ADGRL2: variants seen among roughly 807,000 people sequenced by gnomAD.
ADGRL2 encodes calcium-independent alpha-latrotoxin receptor 2.
ADGRL2 carries 44 observed loss-of-function variants against 157.4 expected under a neutral mutation model. That is an observed-to-expected ratio of 0.28 (90% confidence interval 0.22 to 0.36). ADGRL2 has a LOEUF of 0.36. ADGRL2 is among the 10% of genes least tolerant of loss of function. The pLI is 1.00. For missense variants in ADGRL2, 1,510 were observed against 1,768.9 expected, an observed-to-expected ratio of 0.85 and a Z score of 2.63; for synonymous variants, 585 against 624.7, an observed-to-expected ratio of 0.94 and a Z score of 0.95.
rs1477358823 is a variant in ADGRL2 at position 81,943,535 on chromosome 1, T to C, written c.976T>C (p.Tyr326His). ...TGCTTTTATGATATGCGGAGTCCTC[T>C]ATGTGGTTAGGTCAGTTTATCAAGA... Reference protein sequence around the residue: ...SNAFMICGVLYVVRSVYQDNE... With the variant: ...SNAFMICGVLHVVRSVYQDNE... Residue 326 changes from tyrosine (Y) to histidine (H), a missense_variant, in exon 6 of 24, where the codon TAT (tyrosine) becomes CAT (histidine). Coordinates refer to ENST00000686636, the MANE Select transcript of ADGRL2 (RefSeq NM_001366006.2). This position sits in a 1 kb window ranked among gnomAD's most constrained non-coding sequence, Gnocchi z 5.6. The C allele has an allele frequency of 6.2e-7, 1 of 1,613,726 alleles. No homozygotes were observed. The highest frequency in any genetic ancestry group is 1.7e-5 in the Admixed American group (1 of 59,948).
chr1:81,988,596 A>G (rs1027982562), intron 23 of ADGRL2, among the ~76,000 whole-genome samples: 4 of 152,324 alleles, frequency 2.6e-5, no homozygotes, highest in Non-Finnish European at 4.4e-5. Context: ...CACATGGAAC[A>G]TGATACAAAT....
At chr1:81,472,385 C>T (rs192745897) in intron 2 of ADGRL2, among the ~76,000 whole-genome samples, 4 of 152,180 alleles carry the variant, frequency 2.6e-5, no homozygotes, top group African/African-American at 4.8e-5. Context: ...TAGCACTTTG[C>T]GAGGCCGAGG....
intron 2 of ADGRL2, among the ~76,000 whole-genome samples, chr1:81,552,614 A>G (rs544987399): frequency 6.6e-6 from 1 of 151,374 alleles, no homozygotes; most frequent in African/African-American, 2.4e-5. Flanking sequence ...AGAAAAAAAA[A>G]AAAAAAAAAA....
chr1:81,784,707 G>A (rs75695875), intron 2 of ADGRL2, among the ~76,000 whole-genome samples: 19,210 of 135,468 alleles, frequency 0.14, 1,855 homozygotes, highest in East Asian at 0.54. Flanking sequence ...CAGCCTGGGC[G>A]ACAGAGTGAG....
intron 1 of ADGRL2, among the ~76,000 whole-genome samples, chr1:81,434,919 A>G (rs2077383235): frequency 6.6e-6 from 1 of 152,200 alleles, no homozygotes; most frequent in Non-Finnish European, 1.5e-5. Flanking sequence ...ATCAGGCAAC[A>G]AGGCACACTG....
intron 2 of ADGRL2, among the ~76,000 whole-genome samples, chr1:81,575,556 A>T (rs190656173): frequency 1.3e-5 from 2 of 152,254 alleles, no homozygotes; most frequent in African/African-American, 4.8e-5. Context: ...TTTTAGTTAA[A>T]GTTGAATTTA....
At chr1:81,720,179 C>A (rs1043880858) in intron 1 of ADGRL2, among the ~76,000 whole-genome samples, 1 of 138,902 alleles carries the variant, frequency 7.2e-6, no homozygotes, top group African/African-American at 2.6e-5. Context: ...TCCTTTTTTT[C>A]TTTTCTTTTT....
At chr1:81,348,089 G>T (rs994587545) in intron 1 of ADGRL2, among the ~76,000 whole-genome samples, 2 of 152,152 alleles carry the variant, frequency 1.3e-5, no homozygotes, top group Non-Finnish European at 2.9e-5. Context: ...AGTGAGTAGG[G>T]CCACCCCACA....
chr1:81,936,286 G>T (rs993820113), intron 3 of ADGRL2, among the ~76,000 whole-genome samples: 1 of 151,848 alleles, frequency 6.6e-6, no homozygotes, highest in African/African-American at 2.4e-5. Flanking sequence ...TTCCTGCTGA[G>T]AAATTCAGGT....
intron 1 of ADGRL2, among the ~76,000 whole-genome samples, chr1:81,383,748 A>C (rs2076383609): frequency 6.8e-6 from 1 of 146,818 alleles, no homozygotes; most frequent in Non-Finnish European, 1.5e-5. Flanking sequence ...GCAGATCACA[A>C]GGTCAGGAGA....
At chr1:81,472,747 A>G (rs570177514) in intron 2 of ADGRL2, among the ~76,000 whole-genome samples, 51 of 152,350 alleles carry the variant, frequency 3.3e-4, no homozygotes, top group African/African-American at 1.2e-3. Context: ...ACCCTTCCCT[A>G]AATGAAATGG....
chr1:81,891,589 C>A (rs925822118), intron 2 of ADGRL2, among the ~76,000 whole-genome samples: 1 of 151,978 alleles, frequency 6.6e-6, no homozygotes, highest in African/African-American at 2.4e-5. Context: ...ATGTTTATTT[C>A]CTACTTAAAT....
chr1:81,348,749 A>G (rs1439553298), intron 1 of ADGRL2, among the ~76,000 whole-genome samples: 1 of 152,218 alleles, frequency 6.6e-6, no homozygotes, highest in Admixed American at 6.5e-5. Context: ...AGGATGATAT[A>G]AAATATGAGA....
chr1:81,872,036 G>A (rs6685888), intron 2 of ADGRL2, among the ~76,000 whole-genome samples: 1,935 of 152,222 alleles, frequency 0.013, 47 homozygotes, highest in African/African-American at 0.044. Flanking sequence ...TAATGCCTAG[G>A]TTTTCTTCTA....
intron 1 of ADGRL2, among the ~76,000 whole-genome samples, chr1:81,379,686 T>C (rs1202618985): frequency 6.6e-6 from 1 of 152,120 alleles, no homozygotes; most frequent in South Asian, 2.1e-4. Context: ...CGTGTGCTCT[T>C]GTCAGTGTGC....
intron 1 of ADGRL2, among the ~76,000 whole-genome samples, chr1:81,410,796 G>A (rs2076933129): frequency 6.6e-6 from 1 of 152,148 alleles, no homozygotes; most frequent in Admixed American, 6.5e-5. Context: ...ATAATTCCAG[G>A]AAAAGAGAAA....
At chr1:81,788,001 TG>T (rs774897833) in intron 2 of ADGRL2, among the ~76,000 whole-genome samples, 58 of 152,182 alleles carry the variant, frequency 3.8e-4, no homozygotes, top group South Asian at 1.7e-3. Context: ...AGAAAAATAA[TG>T]GGTGAAAGAT....
At chr1:81,452,832 G>T (rs2077727133) in intron 2 of ADGRL2, among the ~76,000 whole-genome samples, 1 of 152,124 alleles carries the variant, frequency 6.6e-6, no homozygotes, top group Non-Finnish European at 1.5e-5. Context: ...CCATTGAGAA[G>T]GAGCATGAGA....
At chr1:81,906,552 T>A (rs986413788) in intron 2 of ADGRL2, among the ~76,000 whole-genome samples, 2 of 152,070 alleles carry the variant, frequency 1.3e-5, no homozygotes, top group African/African-American at 4.8e-5. Flanking sequence ...AAAAAACTGC[T>A]AAGATGAAGG....
Sources: allele counts gnomAD v4.1 joint callset (sites outside exome capture counted in the v4.1 genomes callset), GRCh38; gene constraint gnomAD v4.1.1; non-coding constraint Gnocchi (gnomAD v3.1); transcripts MANE v1.5; gene names NCBI Gene and HGNC (gene_info 2026-07-23, HGNC 2026-07-21).